TTN: variants seen among roughly 807,000 people sequenced by gnomAD.
The protein encoded by TTN is connectin.
TTN carries 1,525 observed loss-of-function variants against 3,223.0 expected under a neutral mutation model. The observed-to-expected ratio is 0.47, with a 90% confidence interval of 0.45 to 0.49. The LOEUF is 0.49. Among genes scored for constraint, TTN ranks in the 20% least tolerant of loss-of-function variants. The probability of loss-of-function intolerance (pLI) is 0.00; values close to 1 mark genes in which losing one functional copy is unlikely to be tolerated. For missense variants in TTN, 40,786 were observed against 43,424.0 expected (o/e 0.94, Z 5.40); for synonymous variants, 14,094 against 15,161.0 (o/e 0.93, Z 5.17).
chr2:178,773,304 C>G lies in TTN; in HGVS notation c.7660G>C (p.Val2554Leu). ...CTETQNVVFE[V>L]ELSHSGIDVL... ...TCAATTCCAGAGTGGGACAGCTCAA[C>G]CTCAAACACCACATTTTGAGTTTCT... The change falls in exon 33 of 363, where the codon GTT (valine) becomes CTT (leucine). Residue 2554 changes from valine (V) to leucine (L), a missense_variant. Transcript: ENST00000589042. The G allele has an allele frequency of 6.2e-7, 1 of 1,613,906 alleles. No homozygotes were observed. The highest frequency in any genetic ancestry group is 8.5e-7 in the Non-Finnish European group (1 of 1,179,952).
rs2065347127 is a variant in TTN at position 178,664,034 on chromosome 2, A to T, written c.36345T>A (p.Pro12115=). The change falls in exon 169 of 363, where the codon CCT becomes CCA. Residue 12115 remains proline, a synonymous_variant. Transcript: ENST00000589042. The part of the protein sequence containing the change: ...KKVSVVPPKK[P]EVPPVKVPEA... ...AAATACCTTTAACAGGTGGGACTTC[A>T]GGCTTTTTAGGAGGCACCACCGACA... 6.2e-7 allele frequency: 1 copy of T among 1,613,370 alleles called. No individual in the cohort carries two copies. The highest frequency in any genetic ancestry group is 2.2e-5 in the East Asian group (1 of 44,878).
At chr2:178,719,119 G>A in intron 83 of TTN, 45 bp downstream of exon 83, 1 of 1,573,990 alleles carries the variant, frequency 6.4e-7, no homozygotes, top group Non-Finnish European at 8.6e-7. Context: ...ACGTCCACAT[G>A]AAAGAGGTGT....
At position 178,775,473 on chromosome 2, in the gene TTN, C is replaced by T; in HGVS notation, c.6391G>A (p.Asp2131Asn). Residue 2131 changes from aspartate (D) to asparagine (N), a missense_variant, in exon 28 of 363, where the codon GAC (aspartate) becomes AAC (asparagine). Transcript: ENST00000589042. ...SDRIYWYWPE[D>N]NVCELVIRDV... Reference sequence around the variant, plus strand: ...CTTATGACCAATTCACAAACATTGTCTTCGGGCCAGTACCAGTAGATCCGG... The same window carrying T: ...CTTATGACCAATTCACAAACATTGTTTTCGGGCCAGTACCAGTAGATCCGG... 1 of 1,614,026 alleles carries T rather than the reference C, an allele frequency of 6.2e-7. No homozygotes were observed. Among genetic ancestry groups the T allele is most frequent in the Non-Finnish European group, 8.5e-7 (1 of 1,179,992 alleles).
chr2:178,681,067 A>T lies in TTN; in HGVS notation c.33340+12T>A. The T allele has an allele frequency of 6.3e-7, 1 of 1,582,964 alleles. No individual in the cohort carries two copies. The highest frequency in any genetic ancestry group is 2.2e-5 in the East Asian group (1 of 44,446). On this transcript the variant is annotated intron_variant, in intron 138 of 362. Transcript: ENST00000589042. ...CAGAAAAGATCACAATCGAGGAAGG[A>T]AATCATTATACCTTTAGCAGCGGGT... is the stretch of plus-strand genomic sequence containing the variant.
At position 178,757,935 on chromosome 2, in the gene TTN, ATT is replaced by A; in HGVS notation, c.10304-21_10304-20del. On this transcript the variant is annotated intron_variant, in intron 44 of 362. Coordinates refer to ENST00000589042, the MANE Select transcript of TTN (RefSeq NM_001267550.2). ...CTAAATCCTGAAAAGAAGCATACCA[ATT>A]TTTAATGTCTTACCTTGCACTGAAA... 1 of 1,513,994 alleles carries A rather than the reference ATT, an allele frequency of 6.6e-7. No individual in the cohort carries two copies. The highest frequency in any genetic ancestry group is 8.8e-7 in the Non-Finnish European group (1 of 1,132,946). The allele number at this position is 1,513,994 out of a possible 1,614,324, so 93.8% of individuals were successfully genotyped here.
Position 178,589,284 on chromosome 2 carries a change from CTTG to C in TTN, c.62438_62440del (p.Thr20813del), listed in dbSNP as rs766759557. On this transcript the variant is annotated inframe_deletion, in exon 304 of 363. Coordinates refer to ENST00000589042, the MANE Select transcript of TTN (RefSeq NM_001267550.2). ...GGTATCAATCTTGACCCTTGGTGAT[CTTG>C]TTAAGTCTGTAGCGTCTTTGTCCTT... 5 of 1,613,372 alleles carry C rather than the reference CTTG, an allele frequency of 3.1e-6. No individual in the cohort carries two copies. The highest frequency in any genetic ancestry group is 3.4e-6 in the Non-Finnish European group (4 of 1,179,550).
chr2:178,738,100 C>T lies in TTN; in HGVS notation c.14353G>A (p.Ala4785Thr), dbSNP rs755901072. The T allele has an allele frequency of 1.1e-5, 18 of 1,613,434 alleles. No individual in the cohort carries two copies. The South Asian group carries it at 2.0e-4, about 18-fold the overall frequency. Residue 4785 changes from alanine (A) to threonine (T), a missense_variant, in exon 49 of 363, where the codon GCC becomes ACC. By Grantham distance (58) the Ala-to-Thr change is moderately conservative (BLOSUM62 0). Coordinates refer to ENST00000589042, the MANE Select transcript of TTN (RefSeq NM_001267550.2). ...SNEYGSVSCTATLTVTEAYPP... is the reference protein window; with the variant it reads ...SNEYGSVSCTTTLTVTEAYPP... ...CATTTACCTGTCACAGTTAGTGTGG[C>T]TGTACAGCTGACACTGCCATACTCA...
intron 265 of TTN, 32 bp from the exon 266 acceptor site, chr2:178,612,608 T>A (rs985880554): frequency 6.3e-7 from 1 of 1,581,638 alleles, no homozygotes; most frequent in Admixed American, 1.9e-5. Flanking sequence ...CAAATTCATT[T>A]TTTTTTTTAT....
Position 178,712,324 on chromosome 2 carries a change from G to A in TTN, c.27598C>T (p.Leu9200Phe). 1 of 1,613,400 alleles carries A rather than the reference G, an allele frequency of 6.2e-7. No homozygotes were observed. Among genetic ancestry groups the A allele is most frequent in the South Asian group, 1.1e-5 (1 of 91,042 alleles). The change falls in exon 95 of 363, where the codon CTC becomes TTC. Residue 9200 changes from leucine to phenylalanine, a missense_variant. Transcript: ENST00000589042. ...SGKDSCSAQILILEPPYFVKQ... is the reference protein window; with the variant it reads ...SGKDSCSAQIFILEPPYFVKQ... ...TGCAATCATGACAAACCTAGTATGAGTATTTGTGCTGAACAGGAATCTTTT... is the reference window on the plus strand; with the variant it reads ...TGCAATCATGACAAACCTAGTATGAATATTTGTGCTGAACAGGAATCTTTT...
Position 178,689,091 on chromosome 2 carries a change from A to C in TTN, c.32057T>G (p.Val10686Gly). The change falls in exon 125 of 363, where the codon GTG (valine) becomes GGG (glycine). Residue 10686 changes from valine (V) to glycine (G), a missense_variant. Coordinates refer to ENST00000589042, the MANE Select transcript of TTN (RefSeq NM_001267550.2). The stretch of plus-strand genomic sequence containing the variant: ...AGCTTTCTTAGCGACAGGAACTGGC[A>C]CTGCAACTTTCTCCTCTGGGACGGG... ...KKPVPEEKVAVPVPVAKKAPP... is the reference protein window; with the variant it reads ...KKPVPEEKVAGPVPVAKKAPP... 1 of 1,607,340 alleles carries C rather than the reference A, an allele frequency of 6.2e-7. No individual in the cohort carries two copies. Among genetic ancestry groups the C allele is most frequent in the Non-Finnish European group, 8.5e-7 (1 of 1,178,984 alleles).
At chr2:178,537,284 G>A in intron 355 of TTN, 41 bp from the exon 356 acceptor site, 1 of 1,535,368 alleles carries the variant, frequency 6.5e-7, no homozygotes, top group Middle Eastern at 1.8e-4. Context: ...TTCATAGTGT[G>A]TTTTTGAGAT....
At chr2:178,797,997 A>G (rs2093860983) in intron 6 of TTN, among the ~76,000 whole-genome samples, 1 of 151,970 alleles carries the variant, frequency 6.6e-6, no homozygotes, top group East Asian at 1.9e-4. Context: ...TCTTTATTAA[A>G]ATACCTCTCC....
intron 217 of TTN, chr2:178,645,300 A>C (rs1385336689): frequency 6.6e-6 from 1 of 152,052 alleles, no homozygotes; most frequent in Non-Finnish European, 1.5e-5. Flanking sequence ...CTGGATACCA[A>C]ATGTCTTCAT....
intron 1 of TTN, among the ~76,000 whole-genome samples, chr2:178,805,669 A>G (rs2094285458): frequency 6.6e-6 from 1 of 152,214 alleles, no homozygotes; most frequent in South Asian, 2.1e-4. Context: ...GCTGAAGTAA[A>G]TATTCAGAAA....
Position 178,584,367 on chromosome 2 carries a change from A to G in TTN, c.65184T>C (p.Leu21728=), listed in dbSNP as rs754742137. The change falls in exon 311 of 363, where the codon CTT becomes CTC. Residue 21728 remains leucine (L), a synonymous_variant. Transcript: ENST00000589042. ...EYPCAGLVEG[L]EYSFRIYALN... Reference sequence around the variant, plus strand: ...GGGCATAGATTCTGAATGAATACTCAAGACCTTCTACAAGGCCAGCACAAG... The same window carrying G: ...GGGCATAGATTCTGAATGAATACTCGAGACCTTCTACAAGGCCAGCACAAG... 6.2e-7 allele frequency: 1 copy of G among 1,613,292 alleles called. No homozygotes were observed. Among genetic ancestry groups the G allele is most frequent in the Non-Finnish European group, 8.5e-7 (1 of 1,179,470 alleles).
rs755290030 is a variant in TTN at position 178,617,986 on chromosome 2, C to G, written c.47365G>C (p.Glu15789Gln). Residue 15789 changes from glutamate (E) to glutamine (Q), a missense_variant, in exon 253 of 363, where the codon GAG (glutamate) becomes CAG (glutamine). By Grantham distance (29) the Glu-to-Gln change is conservative. Transcript: ENST00000589042. Reference protein sequence around the residue: ...WEPPEYDGGAEITNYVIELRD... With the variant: ...WEPPEYDGGAQITNYVIELRD... ...AATTCAATGACGTAGTTTGTGATCT[C>G]AGCACCTCCATCATACTCTGGTGGT... 6.2e-7 allele frequency: 1 copy of G among 1,612,634 alleles called. No individual in the cohort carries two copies. Among genetic ancestry groups the G allele is most frequent in the South Asian group, 1.1e-5 (1 of 91,054 alleles).
Position 178,539,135 on chromosome 2 carries a change from T to G in TTN, c.98800A>C (p.Ile32934Leu), listed in dbSNP as rs915727477. Residue 32934 changes from isoleucine to leucine, a missense_variant, in exon 353 of 363, where the codon ATC (isoleucine) becomes CTC (leucine). Coordinates refer to ENST00000589042, the MANE Select transcript of TTN (RefSeq NM_001267550.2). ...DGGSRVTGYY[I>L]ERKETSTDKW... is the part of the protein sequence containing the mutation. ...TCAGTGGATGTCTCTTTGCGTTCGA[T>G]GTAGTAGCCTGTGACTCTAGAACCA... 1 of 1,613,648 alleles carries G rather than the reference T, an allele frequency of 6.2e-7. No homozygotes were observed. The highest frequency in any genetic ancestry group is 1.1e-5 in the South Asian group (1 of 91,092).
Position 178,630,352 on chromosome 2 carries a change from C to T in TTN, c.44170G>A (p.Glu14724Lys), listed in dbSNP as rs1458591077. 1 of 1,609,552 alleles carries T rather than the reference C, an allele frequency of 6.2e-7. No homozygotes were observed. Among genetic ancestry groups the T allele is most frequent in the Admixed American group, 1.7e-5 (1 of 59,186 alleles). The change falls in exon 239 of 363, where the codon GAA becomes AAA. Residue 14724 changes from glutamate (E) to lysine (K), a missense_variant. Transcript: ENST00000589042. ...LLQTPDCEIK[E>K]EGKIHSLVLH... ...ACAAGGGAGTGTATTTTGCCTTCTTCCTTAATTTCACAATCCTGTACCAAC... is the reference window on the plus strand; with the variant it reads ...ACAAGGGAGTGTATTTTGCCTTCTTTCTTAATTTCACAATCCTGTACCAAC...
At chr2:178,690,747 T>C (rs945777948) in intron 121 of TTN, among the ~76,000 whole-genome samples, 2 of 152,156 alleles carry the variant, frequency 1.3e-5, no homozygotes, top group Admixed American at 1.3e-4. Flanking sequence ...TATATAGCTG[T>C]TAATTTATAT....
Sources: gnomAD v4.1 joint callset for allele counts (sites outside exome capture counted in the v4.1 genomes callset) on GRCh38, gnomAD v4.1.1 for gene constraint, MANE v1.5 for transcripts, NCBI Gene and HGNC (gene_info 2026-07-23, HGNC 2026-07-21) for gene names.